The following RBM34 variants were observed in gnomAD, a reference collection of about 807,000 sequenced individuals.
RBM34 encodes RNA binding motif protein 34.
In RBM34, 39 loss-of-function variants were observed where a neutral mutation model predicts 44.6. The observed-to-expected ratio is 0.87, with a 90% CI of 0.68 to 1.14. The LOEUF is 1.14. RBM34 is among the 50% of genes most tolerant of loss of function. The pLI is 0.00. For missense variants in RBM34, 572 were observed against 517.9 expected (o/e 1.10, Z -1.01); for synonymous variants, 194 against 184.0 (o/e 1.05, Z -0.44).
intron 6 of RBM34, among the ~76,000 whole-genome samples, chr1:235,140,896 A>T (rs984629606): frequency 2.6e-5 from 4 of 152,186 alleles, no homozygotes; most frequent in African/African-American, 9.7e-5. Flanking sequence ...GGGACCTTGG[A>T]GAACTTTTAT....
In RBM34 at chr1:235,135,721, G is replaced by A. The variant is rs752873927; in HGVS notation, c.939C>T (p.Ile313=). 6.2e-7 allele frequency: 1 copy of A among 1,614,034 alleles called. No individual in the cohort carries two copies. Among genetic ancestry groups the A allele is most frequent in the Non-Finnish European group, 8.5e-7 (1 of 1,180,050 alleles). Residue 313 remains isoleucine, a synonymous_variant, in exon 10 of 11, where the codon ATC becomes ATT. Transcript: ENST00000408888. ...TGTCTCTCACAATCCTCACGGCCAT[G>A]ATACTTCCACAGTCCAGAAAGTGCT... The part of the protein sequence containing the change: ...IEKHFLDCGS[I]MAVRIVRDKM...
chr1:235,160,602 A>G lies in RBM34; in HGVS notation c.274T>C (p.Ser92Pro). 1 of 1,613,662 alleles carries G rather than the reference A, an allele frequency of 6.2e-7. No individual in the cohort carries two copies. Among genetic ancestry groups the G allele is most frequent in the East Asian group, 2.2e-5 (1 of 44,854 alleles). Residue 92 changes from serine (S) to proline (P), a missense_variant, in exon 3 of 11, where the codon TCC (serine) becomes CCC (proline). Coordinates refer to ENST00000408888, the MANE Select transcript of RBM34 (RefSeq NM_015014.4). ...TGCGAAAGTGGTCTTTCAATCTGGG[A>G]TGTACTTTCTTCCTCCTCATTCCGT... is the stretch of plus-strand genomic sequence containing the variant. ...TKRNEEEEST[S>P]QIERPLSQEP...
chr1:235,155,139 C>T, intron 3 of RBM34, 27 bp from the exon 4 acceptor site: 1 of 1,577,304 alleles, frequency 6.3e-7, no homozygotes, highest in Non-Finnish European at 8.7e-7. Context: ...ATAAAATAAG[C>T]AGTAAGAGTC....
intron 10 of RBM34, among the ~76,000 whole-genome samples, chr1:235,132,511 G>T (rs528619979): frequency 6.6e-6 from 1 of 152,080 alleles, no homozygotes; most frequent in East Asian, 1.9e-4. Context: ...GTTTCACCAC[G>T]TTAGCCAGAA....
intron 6 of RBM34, among the ~76,000 whole-genome samples, chr1:235,141,299 A>G (rs369106768): frequency 2.2e-4 from 31 of 139,118 alleles, no homozygotes; most frequent in South Asian, 1.2e-3. Flanking sequence ...CACACCAATC[A>G]GCACCCTGTG....
chr1:235,152,924 A>G (rs1390055763), intron 4 of RBM34, among the ~76,000 whole-genome samples, 159 bp from the exon 5 acceptor site: 4 of 145,264 alleles, frequency 2.8e-5, no homozygotes, highest in Non-Finnish European at 6.0e-5. Flanking sequence ...GCTGGAGTGC[A>G]GTGGTGTGAT....
Position 235,148,460 on chromosome 1 carries a change from A to G in RBM34, c.658-13T>C. 6.3e-7 allele frequency: 1 copy of G among 1,575,498 alleles called. No individual in the cohort carries two copies. The highest frequency in any genetic ancestry group is 8.6e-7 in the Non-Finnish European group (1 of 1,163,270). Reference sequence around the variant, plus strand: ...CCTCTGCTGGAATCTTTCAAGAGAAAAAAAAAAGTATTAAAGACAGTATTT... The same window carrying G: ...CCTCTGCTGGAATCTTTCAAGAGAAGAAAAAAAGTATTAAAGACAGTATTT... On this transcript the variant is annotated splice_polypyrimidine_tract_variant and intron_variant, in intron 5 of 10. Coordinates refer to ENST00000408888, the MANE Select transcript of RBM34 (RefSeq NM_015014.4).
chr1:235,142,556 G>A (rs1661731370), intron 6 of RBM34, among the ~76,000 whole-genome samples: 1 of 151,898 alleles, frequency 6.6e-6, no homozygotes, highest in Admixed American at 6.6e-5. Context: ...TGGATTATAG[G>A]CGTGAGCCAC....
chr1:235,143,496 C>T (rs1197798130), intron 6 of RBM34, among the ~76,000 whole-genome samples: 2 of 152,170 alleles, frequency 1.3e-5, no homozygotes, highest in African/African-American at 4.8e-5. Context: ...AGCACTTTGG[C>T]AGTCTGAGGC....
rs1662611433 is a variant in RBM34 at position 235,159,664 on chromosome 1, G to C, written c.365+847C>G. On this transcript the variant is annotated intron_variant, in intron 3 of 10. Coordinates refer to ENST00000408888, the MANE Select transcript of RBM34 (RefSeq NM_015014.4). Reference sequence around the variant, plus strand: ...GTGGGTGGATCACCTGAGGTCAGGAGTTCAAGACCAACCTGGCCAACATGA... The same window carrying C: ...GTGGGTGGATCACCTGAGGTCAGGACTTCAAGACCAACCTGGCCAACATGA... 2.0e-5 allele frequency among the ~76,000 whole-genome samples: 3 copies of C among 151,904 alleles called. No homozygotes were observed. In the South Asian group the frequency reaches 6.2e-4, roughly 31 times the overall value.
intron 10 of RBM34, among the ~76,000 whole-genome samples, chr1:235,134,768 G>C (rs1168416797): frequency 1.4e-5 from 2 of 145,452 alleles, no homozygotes; most frequent in African/African-American, 2.6e-5. Context: ...TTTTGAGACA[G>C]AGTTTTGCTC....
chr1:235,146,441 G>GT (rs1341762105), intron 6 of RBM34, among the ~76,000 whole-genome samples: 1 of 152,122 alleles, frequency 6.6e-6, no homozygotes, highest in Non-Finnish European at 1.5e-5. Context: ...AAAAGGGAAG[G>GT]TGTGGAGTAG....
intron 6 of RBM34, among the ~76,000 whole-genome samples, chr1:235,145,304 G>C (rs1285499947): frequency 1.4e-5 from 2 of 148,126 alleles, no homozygotes; most frequent in Non-Finnish European, 3.0e-5. Flanking sequence ...TTTTGAGATA[G>C]GGTCTCACTG....
chr1:235,137,848 G>A (rs761826860), intron 8 of RBM34, 29 bp downstream of exon 8: 40 of 1,521,208 alleles, frequency 2.6e-5, no homozygotes, highest in Middle Eastern at 1.9e-4. Flanking sequence ...CAAAGCTCTC[G>A]TTCTTTAAAC....
Position 235,131,677 on chromosome 1 carries a change from G to C in RBM34, c.*36C>G. ...GCAGATAATAGCACTTTTATTAGCA[G>C]TACTCAGCAGGAAAAGAAAAAGCAG... On this transcript the variant is annotated 3_prime_UTR_variant, in exon 11 of 11. Coordinates refer to ENST00000408888, the MANE Select transcript of RBM34 (RefSeq NM_015014.4). The C allele has an allele frequency of 6.4e-7, 1 of 1,560,012 alleles. No individual in the cohort carries two copies. The highest frequency in any genetic ancestry group is 8.6e-7 in the Non-Finnish European group (1 of 1,158,264).
intron 5 of RBM34, among the ~76,000 whole-genome samples, chr1:235,151,446 A>G (rs1247522274): frequency 6.6e-6 from 1 of 152,184 alleles, no homozygotes; most frequent in Non-Finnish European, 1.5e-5. Flanking sequence ...GGAAATAAAT[A>G]CCCTGACAGA....
At chr1:235,134,742 C>CG (rs1487667158) in intron 10 of RBM34, among the ~76,000 whole-genome samples, 3 of 140,862 alleles carry the variant, frequency 2.1e-5, no homozygotes, top group African/African-American at 8.0e-5. Context: ...TTCTCGTTTT[C>CG]GGGTTTTTTT....
At chr1:235,149,978 G>T (rs66855617) in intron 5 of RBM34, among the ~76,000 whole-genome samples, 24,901 of 152,142 alleles carry the variant, frequency 0.16, 2,296 homozygotes, top group African/African-American at 0.23. Context: ...CACAGAAATG[G>T]CTAAATGAAT....
chr1:235,141,596 G>A lies in RBM34; in HGVS notation c.702-3422C>T, dbSNP rs570738794. Among the ~76,000 whole-genome samples the A allele has an allele frequency of 4.6e-5, 7 of 152,296 alleles. No individual in the cohort carries two copies. In the East Asian group the frequency reaches 1.2e-3, roughly 25 times the overall value. ...CACTCGGGTCCCCTTCCACACTGTG[G>A]AAGCTTTGTCCTTTCACTCTTTGCA... is the stretch of plus-strand genomic sequence containing the variant. On this transcript the variant is annotated intron_variant, in intron 6 of 10. Coordinates refer to ENST00000408888, the MANE Select transcript of RBM34 (RefSeq NM_015014.4).
Sources: allele counts gnomAD v4.1 joint callset (sites outside exome capture counted in the v4.1 genomes callset), GRCh38; gene constraint gnomAD v4.1.1; transcripts MANE v1.5; gene names NCBI Gene and HGNC (gene_info 2026-07-23, HGNC 2026-07-21).